The following RAPGEF4 variants were observed in gnomAD, a reference collection of about 807,000 sequenced individuals.
RAPGEF4 encodes RAP guanine-nucleotide-exchange factor (GEF) 4.
A neutral mutation model predicts 147.9 loss-of-function variants in RAPGEF4; 66 were observed. That is an observed-to-expected ratio of 0.45 (90% CI 0.37 to 0.55). RAPGEF4 has a LOEUF of 0.55. Among genes scored for constraint, RAPGEF4 ranks in the 20% least tolerant of loss-of-function variants. The pLI is 0.00. For synonymous variants in RAPGEF4, 419 were observed against 442.7 expected, an observed-to-expected ratio of 0.95 and a Z score of 0.67; for missense variants, 1,071 against 1,257.3, an observed-to-expected ratio of 0.85 and a Z score of 2.24.
chr2:172,932,817 T>C (rs978099468), intron 6 of RAPGEF4, among the ~76,000 whole-genome samples: 7 of 152,244 alleles, frequency 4.6e-5, no homozygotes, highest in Non-Finnish European at 7.3e-5. Flanking sequence ...ATCAAAAATA[T>C]GTACTTACAT....
At chr2:172,875,138 TG>T (rs1303090922) in intron 4 of RAPGEF4, among the ~76,000 whole-genome samples, 1 of 152,256 alleles carries the variant, frequency 6.6e-6, no homozygotes, top group African/African-American at 2.4e-5. Context: ...TTGTAGATTC[TG>T]GATATTAGCC....
At chr2:173,031,928 A>G (rs1697229554) in intron 26 of RAPGEF4, among the ~76,000 whole-genome samples, 2 of 152,194 alleles carry the variant, frequency 1.3e-5, no homozygotes, top group African/African-American at 4.8e-5. Context: ...AAAACCTCCC[A>G]AAAGCCTCCC....
intron 15 of RAPGEF4, among the ~76,000 whole-genome samples, chr2:172,994,038 C>A (rs1693079889): frequency 6.6e-6 from 1 of 152,140 alleles, no homozygotes; most frequent in South Asian, 2.1e-4. Context: ...ACAAAGAATA[C>A]CAGAATGTGA....
intron 21 of RAPGEF4, among the ~76,000 whole-genome samples, chr2:173,018,280 G>C (rs1323600349): frequency 6.6e-6 from 1 of 152,232 alleles, no homozygotes; most frequent in Non-Finnish European, 1.5e-5. Context: ...TGTGTGCAGA[G>C]AGGTGAATGG....
At chr2:172,800,657 T>A (rs1243030575) in intron 3 of RAPGEF4, among the ~76,000 whole-genome samples, 1 of 152,200 alleles carries the variant, frequency 6.6e-6, no homozygotes, top group Non-Finnish European at 1.5e-5. Flanking sequence ...GCTGGCAGGC[T>A]GGAGATTCAG....
intron 23 of RAPGEF4, among the ~76,000 whole-genome samples, chr2:173,025,748 G>T (rs1054586914): frequency 6.6e-6 from 1 of 152,200 alleles, no homozygotes; most frequent in African/African-American, 2.4e-5. Context: ...AGCCACTTTT[G>T]TGACTTTTGG....
At chr2:172,821,962 C>A in intron 4 of RAPGEF4, 1 of 1,613,436 alleles carries the variant, frequency 6.2e-7, no homozygotes, top group Non-Finnish European at 8.5e-7. Flanking sequence ...AAAAGAAGGA[C>A]GTATGCTCTA....
chr2:172,921,013 T>C (rs990024342), intron 5 of RAPGEF4, among the ~76,000 whole-genome samples: 1 of 152,088 alleles, frequency 6.6e-6, no homozygotes, highest in Admixed American at 6.5e-5. Flanking sequence ...AAGCTTCAAT[T>C]AGGGAATGTT....
At chr2:172,804,632 G>T (rs982993742) in intron 3 of RAPGEF4, among the ~76,000 whole-genome samples, 1 of 152,180 alleles carries the variant, frequency 6.6e-6, no homozygotes, top group African/African-American at 2.4e-5. Context: ...GGCAGTGCGT[G>T]CAGTCATTCC....
intron 6 of RAPGEF4, among the ~76,000 whole-genome samples, chr2:172,923,828 G>A (rs561978922): frequency 1.3e-5 from 2 of 152,292 alleles, no homozygotes; most frequent in East Asian, 3.9e-4. Context: ...AATGTGGTTA[G>A]TATTTTCTCA....
chr2:172,854,721 C>A (rs1250682520), intron 4 of RAPGEF4, among the ~76,000 whole-genome samples: 1 of 151,774 alleles, frequency 6.6e-6, no homozygotes, highest in Non-Finnish European at 1.5e-5. Flanking sequence ...TAGTTTGGTT[C>A]CCTAGGAAGC....
intron 1 of RAPGEF4, among the ~76,000 whole-genome samples, chr2:172,772,327 T>C (rs1683705694): frequency 6.8e-6 from 1 of 147,230 alleles, no homozygotes; most frequent in Non-Finnish European, 1.5e-5. Flanking sequence ...TTTTATTATT[T>C]ATATTATTTT....
chr2:172,775,909 G>A lies in RAPGEF4; in HGVS notation c.66-19116G>A, dbSNP rs996447244. Among the ~76,000 whole-genome samples the A allele has an allele frequency of 5.3e-5, 8 of 152,088 alleles. No individual in the cohort carries two copies. In the East Asian group the frequency reaches 1.3e-3, roughly 26 times the overall value. ...GGTTTACTAATACTCTTTAGCTATA[G>A]GACCCTATTACTACTATATAATCTT... On this transcript the variant is annotated intron_variant, in intron 1 of 30. Transcript: ENST00000397081.
At chr2:172,860,221 G>A (rs1295544697) in intron 4 of RAPGEF4, 4 of 985,258 alleles carry the variant, frequency 4.1e-6, no homozygotes, top group Non-Finnish European at 4.8e-6. Context: ...TCAGTGAGAA[G>A]AGGAGAACAT....
intron 1 of RAPGEF4, among the ~76,000 whole-genome samples, chr2:172,783,087 C>T (rs2149514957): frequency 6.6e-6 from 1 of 152,336 alleles, no homozygotes; most frequent in Admixed American, 6.5e-5. Context: ...TCTCTCTTCA[C>T]TTACAAATGC....
At chr2:172,747,954 A>G (rs1219669522) in intron 1 of RAPGEF4, among the ~76,000 whole-genome samples, 1 of 152,194 alleles carries the variant, frequency 6.6e-6, no homozygotes, top group Non-Finnish European at 1.5e-5. Flanking sequence ...CACTTAGCGT[A>G]CTGTCCTTTA....
chr2:172,923,624 C>T (rs992065972), intron 6 of RAPGEF4, among the ~76,000 whole-genome samples: 1 of 152,208 alleles, frequency 6.6e-6, no homozygotes, highest in African/African-American at 2.4e-5. Context: ...AAATTTACTT[C>T]GCTTGGTCTG....
intron 4 of RAPGEF4, among the ~76,000 whole-genome samples, chr2:172,871,450 G>C (rs1695227228): frequency 6.6e-6 from 1 of 152,132 alleles, no homozygotes; most frequent in Non-Finnish European, 1.5e-5. Flanking sequence ...GAGGGTAGTG[G>C]AGGGCAAGGC....
intron 10 of RAPGEF4, among the ~76,000 whole-genome samples, chr2:172,977,677 A>G (rs747612938): frequency 6.6e-6 from 1 of 152,112 alleles, no homozygotes; most frequent in Non-Finnish European, 1.5e-5. Flanking sequence ...CCTCCCTGGG[A>G]CTCACCTCAA....
Sources: gnomAD v4.1 joint callset for allele counts (sites outside exome capture counted in the v4.1 genomes callset) on GRCh38, gnomAD v4.1.1 for gene constraint, MANE v1.5 for transcripts, NCBI Gene and HGNC (gene_info 2026-07-23, HGNC 2026-07-21) for gene names.